The following HPCA variants were observed in gnomAD, a reference collection of about 807,000 sequenced individuals.
HPCA encodes the protein hippocalcin.
In HPCA, 4 loss-of-function variants were observed where a neutral mutation model predicts 18.2. The ratio of observed to expected loss-of-function variants is 0.22; its 90% CI spans 0.11 to 0.50. The LOEUF is 0.50. HPCA is among the 20% of genes least tolerant of loss of function. The probability of loss-of-function intolerance (pLI) is 0.97; values close to 1 mark genes in which losing one functional copy is unlikely to be tolerated. For synonymous variants in HPCA, 93 were observed against 103.5 expected, an observed-to-expected ratio of 0.90 and a Z score of 0.61; for missense variants, 161 against 265.8, an observed-to-expected ratio of 0.61 and a Z score of 2.74.
At chr1:32,890,696 C>T (rs1306928896) in intron 2 of HPCA, among the ~76,000 whole-genome samples, 1 of 152,206 alleles carries the variant, frequency 6.6e-6, no homozygotes, top group Non-Finnish European at 1.5e-5. Context: ...AGCTCTTGCC[C>T]CCTTTCCTTC....
chr1:32,889,300 T>C lies in HPCA; in HGVS notation c.378+24T>C, dbSNP rs903194609. ...AGGTGGGCCCCTGGGCCCCTCAGAA[T>C]GCCAGGCACAGGGCCCGGCAGCTTG... On this transcript the variant is annotated intron_variant, in intron 2 of 3. Transcript: ENST00000373467. The surrounding 1 kb of genome is among the most constrained non-coding windows in gnomAD (Gnocchi z 4.6). 1 of 1,594,864 alleles carries C rather than the reference T, an allele frequency of 6.3e-7. No individual in the cohort carries two copies. Among genetic ancestry groups the C allele is most frequent in the Non-Finnish European group, 8.6e-7 (1 of 1,168,634 alleles).
chr1:32,893,585 A>T lies in HPCA; in HGVS notation c.440A>T (p.Lys147Met), dbSNP rs770427605. 3.5e-5 allele frequency: 57 copies of T among 1,613,252 alleles called. No individual in the cohort carries two copies. Among genetic ancestry groups the T allele is most frequent in the Non-Finnish European group, 4.7e-5 (55 of 1,179,692 alleles). ...CCGGAGGACGAGTCGACCCCGGAAA[A>T]GAGGACTGAGAAAATCTTCCGCCAA... ...KMPEDESTPE[K>M]RTEKIFRQMD... The change falls in exon 3 of 4, where the codon AAG becomes ATG. Residue 147 changes from lysine (K) to methionine (M), a missense_variant. Physicochemically the swap from Lys to Met is moderately conservative, Grantham distance 95. Transcript: ENST00000373467. This position sits in a 1 kb window ranked among gnomAD's most constrained non-coding sequence, Gnocchi z 7.5.
At position 32,893,966 on chromosome 1, in the gene HPCA, C is replaced by G; in HGVS notation, c.*104C>G. ...TGGCTGGGGGCCAGATTGGGGAAGC[C>G]CTTCTCCCCGGGTCTGCCCTGTGGG... On this transcript the variant is annotated 3_prime_UTR_variant, in exon 4 of 4. Coordinates refer to ENST00000373467, the MANE Select transcript of HPCA (RefSeq NM_002143.3). The surrounding 1 kb of genome is among the most constrained non-coding windows in gnomAD (Gnocchi z 7.5). 2 of 896,552 alleles carry G rather than the reference C, an allele frequency of 2.2e-6. No individual in the cohort carries two copies. Among genetic ancestry groups the G allele is most frequent in the Admixed American group, 4.3e-5 (2 of 46,576 alleles). 55.5% of individuals were successfully genotyped at this position (896,552 alleles called of 1,614,324 possible). A position where few individuals can be genotyped will look rare whatever the true frequency, so the allele number is the denominator to read the frequency against.
rs1037291376 is a variant in HPCA, at chr1:32,886,989, G to A, written c.-22+474G>A. ...CACTGGAGGAGCTCTCTTGCTCCGC[G>A]CATCTCTCTGCCCCCACCCCGGTGA... On this transcript the variant is annotated intron_variant, in intron 1 of 3. Coordinates refer to ENST00000373467, the MANE Select transcript of HPCA (RefSeq NM_002143.3). The surrounding 1 kb of genome is among the most constrained non-coding windows in gnomAD (Gnocchi z 7.0). Among the ~76,000 whole-genome samples the A allele has an allele frequency of 6.6e-5, 10 of 152,206 alleles. No homozygotes were observed. The highest frequency in any genetic ancestry group is 1.0e-4 in the Non-Finnish European group (7 of 68,024).
In HPCA at chr1:32,894,555, C is replaced by T. The variant is rs1455358979; in HGVS notation, c.*693C>T. 1.8e-5 allele frequency: 9 copies of T among 494,722 alleles called. No individual in the cohort carries two copies. In the East Asian group the frequency reaches 2.5e-4, roughly 14 times the overall value. The allele number at this position is 494,722 out of a possible 1,614,324, so 30.6% of individuals were successfully genotyped here. A position where few individuals can be genotyped will look rare whatever the true frequency, so the allele number is the denominator to read the frequency against. The stretch of plus-strand genomic sequence containing the variant: ...CCCCTGGCTGAGCCCCTGTCCTCCC[C>T]TCTGTCCCCCCAACCGCCCCCCCTG... On this transcript the variant is annotated 3_prime_UTR_variant, in exon 4 of 4. Transcript: ENST00000373467.
Position 32,889,338 on chromosome 1 carries a change from C to A in HPCA, c.378+62C>A. The A allele has an allele frequency of 6.5e-7, 1 of 1,526,954 alleles. No individual in the cohort carries two copies. Among genetic ancestry groups the A allele is most frequent in the South Asian group, 1.3e-5 (1 of 78,986 alleles). 94.6% of individuals were successfully genotyped at this position (1,526,954 alleles called of 1,614,324 possible). On this transcript the variant is annotated intron_variant, in intron 2 of 3. Coordinates refer to ENST00000373467, the MANE Select transcript of HPCA (RefSeq NM_002143.3). This position sits in a 1 kb window ranked among gnomAD's most constrained non-coding sequence, Gnocchi z 4.6. ...GCCCGGCAGCTTGCACCCACCACCC[C>A]TTTTGATCCTCTCAGCAGACCTCGT...
At chr1:32,888,653 C>T (rs908843426) in intron 1 of HPCA, among the ~76,000 whole-genome samples, 1 of 152,198 alleles carries the variant, frequency 6.6e-6, no homozygotes, top group Non-Finnish European at 1.5e-5. Flanking sequence ...CCTTCCCTTC[C>T]TCCCTCTCCC....
Position 32,893,397 on chromosome 1 carries a change from T to C in HPCA, c.379-127T>C. ...AAGCCCTCGGCTCCCCACGCCTCCGTGATTCCCCACTCCACCTTGCCCAGG... is the reference window on the plus strand; with the variant it reads ...AAGCCCTCGGCTCCCCACGCCTCCGCGATTCCCCACTCCACCTTGCCCAGG... On this transcript the variant is annotated intron_variant, in intron 2 of 3. Transcript: ENST00000373467. The surrounding 1 kb of genome is among the most constrained non-coding windows in gnomAD (Gnocchi z 7.5). 2 of 668,544 alleles carry C rather than the reference T, an allele frequency of 3.0e-6. No homozygotes were observed. The highest frequency in any genetic ancestry group is 5.3e-6 in the Non-Finnish European group (2 of 374,512). The allele number at this position is 668,544 out of a possible 1,614,324, so 41.4% of individuals were successfully genotyped here.
At chr1:32,888,804 C>T (rs1199847560) in intron 1 of HPCA, 74 bp from the exon 2 acceptor site, 4 of 1,365,848 alleles carry the variant, frequency 2.9e-6, no homozygotes, top group Non-Finnish European at 3.0e-6. Context: ...GCAGGGGGGC[C>T]CATCTGGAGC....
At position 32,893,649 on chromosome 1, in the gene HPCA, C is replaced by T. The variant is rs755441354; in HGVS notation, c.484+20C>T. 2.3e-6 allele frequency: 2 copies of T among 860,996 alleles called. No homozygotes were observed. Among genetic ancestry groups the T allele is most frequent in the African/African-American group, 3.3e-5 (2 of 60,502 alleles). The allele number at this position is 860,996 out of a possible 1,614,324, so 53.3% of individuals were successfully genotyped here. A position where few individuals can be genotyped will look rare whatever the true frequency, so the allele number is the denominator to read the frequency against. ...ACGACGGTGAGGGGCAGGGGCGGGA[C>T]GGGGTGGACGGGGCGGGCGCCTTTC... On this transcript the variant is annotated intron_variant, in intron 3 of 3. Transcript: ENST00000373467. The surrounding 1 kb of genome is among the most constrained non-coding windows in gnomAD (Gnocchi z 7.5).
At chr1:32,886,338 A>C (rs1201203316), upstream of HPCA, 5 of 151,280 alleles carry the variant, frequency 3.3e-5, no homozygotes, top group East Asian at 6.0e-4. The surrounding 1 kb of genome is among the most constrained non-coding windows in gnomAD (Gnocchi z 7.0). Context: ...TGGGGGGCGG[A>C]GCCCAGCGCG....
rs979647545 is a variant in HPCA, at chr1:32,894,570, C to T, written c.*708C>T. 1.1e-4 allele frequency: 60 copies of T among 523,058 alleles called. No individual in the cohort carries two copies. Among genetic ancestry groups the T allele is most frequent in the Non-Finnish European group, 1.4e-4 (42 of 302,684 alleles). 32.4% of individuals were successfully genotyped at this position (523,058 alleles called of 1,614,324 possible). ...CTGTCCTCCCCTCTGTCCCCCCAAC[C>T]GCCCCCCCTGCATGCAGCCAAATGG... On this transcript the variant is annotated 3_prime_UTR_variant, in exon 4 of 4. Transcript: ENST00000373467.
In HPCA at chr1:32,888,935, T is replaced by G; in HGVS notation, c.37T>G (p.Leu13Val). 6.2e-7 allele frequency: 1 copy of G among 1,613,702 alleles called. No homozygotes were observed. Among genetic ancestry groups the G allele is most frequent in the Non-Finnish European group, 8.5e-7 (1 of 1,179,860 alleles). Reference protein sequence around the residue: ...KQNSKLRPEMLQDLRENTEFS... With the variant: ...KQNSKLRPEMVQDLRENTEFS... ...GAACAGCAAGCTGCGGCCCGAGATG[T>G]TGCAGGACCTGCGAGAGAACACAGA... The change falls in exon 2 of 4, where the codon TTG (leucine) becomes GTG (valine). Residue 13 changes from leucine to valine, a missense_variant. Coordinates refer to ENST00000373467, the MANE Select transcript of HPCA (RefSeq NM_002143.3).
Position 32,894,574 on chromosome 1 carries a change from C to G in HPCA, c.*712C>G, listed in dbSNP as rs924174072. 7 of 544,290 alleles carry G rather than the reference C, an allele frequency of 1.3e-5. No homozygotes were observed. In the African/African-American group the frequency reaches 1.3e-4, roughly 10 times the overall value. The allele number at this position is 544,290 out of a possible 1,614,324, so 33.7% of individuals were successfully genotyped here. On this transcript the variant is annotated 3_prime_UTR_variant, in exon 4 of 4. Coordinates refer to ENST00000373467, the MANE Select transcript of HPCA (RefSeq NM_002143.3). ...CCTCCCCTCTGTCCCCCCAACCGCC[C>G]CCCCTGCATGCAGCCAAATGGAGCA...
chr1:32,892,260 A>C (rs1045436766), intron 2 of HPCA, among the ~76,000 whole-genome samples: 9 of 152,220 alleles, frequency 5.9e-5, no homozygotes, highest in African/African-American at 2.2e-4. Context: ...GGCAGTGGGA[A>C]GTGCCAATGG....
At position 32,893,729 on chromosome 1, in the gene HPCA, G is replaced by GCCTCCTCCCCCATC. The variant is rs1359761675; in HGVS notation, c.485-35_485-22dup. 6 of 1,282,642 alleles carry GCCTCCTCCCCCATC rather than the reference G, an allele frequency of 4.7e-6. No homozygotes were observed. Among genetic ancestry groups the GCCTCCTCCCCCATC allele is most frequent in the Non-Finnish European group, 6.2e-6 (6 of 965,260 alleles). The allele number at this position is 1,282,642 out of a possible 1,614,324, so 79.5% of individuals were successfully genotyped here. A position where few individuals can be genotyped will look rare whatever the true frequency, so the allele number is the denominator to read the frequency against. On this transcript the variant is annotated intron_variant, in intron 3 of 3. Transcript: ENST00000373467. The surrounding 1 kb of genome is among the most constrained non-coding windows in gnomAD (Gnocchi z 7.5). The stretch of plus-strand genomic sequence containing the variant: ...CTCCGCCTCCCCTCGCTAGGCTGCC[G>GCCTCCTCCCCCATC]CCTCCTCCCCCATCACCGCTCCCCT...
rs1641426729 is a variant in HPCA at position 32,889,839 on chromosome 1, T to A, written c.378+563T>A. On this transcript the variant is annotated intron_variant, in intron 2 of 3. Coordinates refer to ENST00000373467, the MANE Select transcript of HPCA (RefSeq NM_002143.3). The surrounding 1 kb of genome is among the most constrained non-coding windows in gnomAD (Gnocchi z 4.6). ...ATCTGGAATAGCTCCTCATCCTTTC[T>A]TTATCTTTTATGAATTGACATTTCT... Among the ~76,000 whole-genome samples the A allele has an allele frequency of 6.6e-6, 1 of 152,246 alleles. No homozygotes were observed. Among genetic ancestry groups the A allele is most frequent in the Non-Finnish European group, 1.5e-5 (1 of 68,040 alleles).
chr1:32,887,556 G>C (rs1316255929), intron 1 of HPCA, among the ~76,000 whole-genome samples: 1 of 152,180 alleles, frequency 6.6e-6, no homozygotes, highest in East Asian at 1.9e-4. Flanking sequence ...TTCAGGACTA[G>C]ATGAAGGGTA....
intron 2 of HPCA, among the ~76,000 whole-genome samples, chr1:32,891,741 T>C (rs548478679): frequency 1.3e-5 from 2 of 152,302 alleles, no homozygotes; most frequent in African/African-American, 4.8e-5. Context: ...CTTTAGAAAC[T>C]TGAGACTACC....
Sources: allele counts gnomAD v4.1 joint callset (sites outside exome capture counted in the v4.1 genomes callset), GRCh38; gene constraint gnomAD v4.1.1; non-coding constraint Gnocchi (gnomAD v3.1); transcripts MANE v1.5; gene names NCBI Gene and HGNC (gene_info 2026-07-23, HGNC 2026-07-21).